The following CCNT2 variants were observed in gnomAD, a reference collection of about 807,000 sequenced individuals.
The protein encoded by CCNT2 is cyclin T2.
Under a neutral mutation model 70.0 loss-of-function variants are expected in CCNT2, and 18 were observed. The ratio of observed to expected loss-of-function variants is 0.26; its 90% confidence interval spans 0.18 to 0.38. The LOEUF is 0.38. Among genes scored for constraint, CCNT2 ranks in the 10% least tolerant of loss-of-function variants. The pLI is 1.00. For synonymous variants in CCNT2, 334 were observed against 313.3 expected, an observed-to-expected ratio of 1.07 and a Z score of -0.70; for missense variants, 734 against 890.2, an observed-to-expected ratio of 0.82 and a Z score of 2.23.
intron 2 of CCNT2, among the ~76,000 whole-genome samples, chr2:134,920,967 A>G (rs1679854375): frequency 6.6e-6 from 1 of 152,224 alleles, no homozygotes. Flanking sequence ...ATTTTAATAT[A>G]CATTTTGATC....
At chr2:134,919,396 AGT>A (rs1216861596) in intron 1 of CCNT2, among the ~76,000 whole-genome samples, 4 of 152,142 alleles carry the variant, frequency 2.6e-5, no homozygotes, top group African/African-American at 9.7e-5. Flanking sequence ...GAAAGGCCTA[AGT>A]GTTTGCCGCA....
chr2:134,936,708 C>G, intron 2 of CCNT2, 133 bp from the exon 3 acceptor site: 2 of 614,652 alleles, frequency 3.3e-6, no homozygotes, highest in South Asian at 2.0e-5. Flanking sequence ...GAGCCGAGAT[C>G]ACACCACTGC....
Position 134,946,159 on chromosome 2 carries a change from A to G in CCNT2, c.539+13A>G, listed in dbSNP as rs1459200050. 1 of 1,611,160 alleles carries G rather than the reference A, an allele frequency of 6.2e-7. No individual in the cohort carries two copies. The highest frequency in any genetic ancestry group is 1.1e-5 in the South Asian group (1 of 90,996). The stretch of plus-strand genomic sequence containing the variant: ...TGGCTACCAACAGGTTGTTATCCTG[A>G]CCCTCTTTGTTGCACTGTTGTAGCA... On this transcript the variant is annotated intron_variant, in intron 6 of 8. Transcript: ENST00000264157.
At position 134,928,274 on chromosome 2, in the gene CCNT2, C is replaced by CTTTTTTTTTTTTTTTTTTT. The variant is rs551173090; in HGVS notation, c.240+8384_240+8402dup. On this transcript the variant is annotated intron_variant, in intron 2 of 8. Transcript: ENST00000264157. ...CCATGCCCGGCCTCACATTGTATTTCTTTTTTTTTTTTTTTTTTTCTGAGA... is the reference window on the plus strand; with the variant it reads ...CCATGCCCGGCCTCACATTGTATTTCTTTTTTTTTTTTTTTTTTTTTTTTTTTTTTTTTTTTTTCTGAGA... 4.8e-4 allele frequency among the ~76,000 whole-genome samples: 46 copies of CTTTTTTTTTTTTTTTTTTT among 96,376 alleles called. 2 individuals are homozygous for CTTTTTTTTTTTTTTTTTTT. Among genetic ancestry groups the CTTTTTTTTTTTTTTTTTTT allele is most frequent in the South Asian group, 1.8e-3 (5 of 2,716 alleles). 63.2% of individuals were successfully genotyped at this position (96,376 alleles called of 152,430 possible). A position where few individuals can be genotyped will look rare whatever the true frequency, so the allele number is the denominator to read the frequency against.
intron 2 of CCNT2, among the ~76,000 whole-genome samples, chr2:134,927,517 T>C (rs1680383736): frequency 6.6e-6 from 1 of 152,104 alleles, no homozygotes; most frequent in Non-Finnish European, 1.5e-5. Context: ...ATTCTAAACT[T>C]AGGTGTATAG....
intron 7 of CCNT2, among the ~76,000 whole-genome samples, chr2:134,950,354 C>T (rs1014941318): frequency 1.3e-5 from 2 of 151,938 alleles, no homozygotes; most frequent in Non-Finnish European, 2.9e-5. Flanking sequence ...TTTTCTGTGT[C>T]AGTCACAAAA....
Position 134,954,853 on chromosome 2 carries a change from T to C in CCNT2, c.*205T>C, listed in dbSNP as rs1682833590. On this transcript the variant is annotated 3_prime_UTR_variant, in exon 9 of 9. Transcript: ENST00000264157. ...CCACATATGATAGTGTTATAAATAC[T>C]GTAAAAGCATGGAAGGTGCAAAACT... 2 of 513,812 alleles carry C rather than the reference T, an allele frequency of 3.9e-6. No individual in the cohort carries two copies. Among genetic ancestry groups the C allele is most frequent in the Non-Finnish European group, 3.5e-6 (1 of 289,640 alleles). 31.8% of individuals were successfully genotyped at this position (513,812 alleles called of 1,614,324 possible). A position where few individuals can be genotyped will look rare whatever the true frequency, so the allele number is the denominator to read the frequency against.
At chr2:134,945,559 A>G (rs999991246) in intron 5 of CCNT2, 1 of 985,366 alleles carries the variant, frequency 1.0e-6, no homozygotes. Flanking sequence ...CTGTACCCGT[A>G]TGCTGTTTCT....
chr2:134,943,279 T>C (rs1364994344), intron 5 of CCNT2: 1 of 352,508 alleles, frequency 2.8e-6, no homozygotes, highest in Non-Finnish European at 4.0e-6. Context: ...TACACGCATG[T>C]AGTCTCAACT....
rs530916012 is a variant in CCNT2, at chr2:134,919,103, G to A, written c.158+91G>A. 5.4e-5 allele frequency: 77 copies of A among 1,413,338 alleles called. No homozygotes were observed. The South Asian group carries it at 8.6e-4, about 16-fold the overall frequency. 87.5% of individuals were successfully genotyped at this position (1,413,338 alleles called of 1,614,324 possible). A position where few individuals can be genotyped will look rare whatever the true frequency, so the allele number is the denominator to read the frequency against. On this transcript the variant is annotated intron_variant, in intron 1 of 8. Transcript: ENST00000264157. ...CCGCGAACATGGCGCCGCCGGCCTC[G>A]GCCTTCGCTGGGCCTCGGCGCCGCG...
In CCNT2 at chr2:134,954,342, C is replaced by T; in HGVS notation, c.1887C>T (p.Asn629=). 1.2e-6 allele frequency: 2 copies of T among 1,614,174 alleles called. No homozygotes were observed. Among genetic ancestry groups the T allele is most frequent in the East Asian group, 2.2e-5 (1 of 44,880 alleles). The change falls in exon 9 of 9, where the codon AAC becomes AAT. Residue 629 remains asparagine (N), a synonymous_variant. Coordinates refer to ENST00000264157, the MANE Select transcript of CCNT2 (RefSeq NM_058241.3). ...KRLHVNDASH[N]HHSKMSKSSK... is the part of the protein sequence containing the mutation. ...TGCATGTCAATGATGCATCTCACAACCACCACTCCAAAATGAGCAAAAGTT... is the reference window on the plus strand; with the variant it reads ...TGCATGTCAATGATGCATCTCACAATCACCACTCCAAAATGAGCAAAAGTT...
chr2:134,923,145 G>T (rs1680037168), intron 2 of CCNT2, among the ~76,000 whole-genome samples: 1 of 152,150 alleles, frequency 6.6e-6, no homozygotes, highest in South Asian at 2.1e-4. Flanking sequence ...GCTGGGTGTG[G>T]TGGCACGTGC....
chr2:134,924,700 C>T (rs552232748), intron 2 of CCNT2, among the ~76,000 whole-genome samples: 5 of 152,284 alleles, frequency 3.3e-5, no homozygotes, highest in South Asian at 2.1e-4. Flanking sequence ...CCCCCCACCT[C>T]GACCTCCCAA....
chr2:134,929,324 G>A (rs531720804), intron 2 of CCNT2, among the ~76,000 whole-genome samples: 2 of 152,152 alleles, frequency 1.3e-5, no homozygotes, highest in South Asian at 4.1e-4. Context: ...TGGAGATCTG[G>A]CCAGGCATGG....
intron 2 of CCNT2, among the ~76,000 whole-genome samples, chr2:134,924,989 T>C (rs1680177982): frequency 6.6e-6 from 1 of 152,210 alleles, no homozygotes; most frequent in African/African-American, 2.4e-5. Flanking sequence ...TGGTGCAGTT[T>C]ACTGTGTTCC....
chr2:134,938,993 A>G lies in CCNT2; in HGVS notation c.370-9A>G, dbSNP rs376394830. On this transcript the variant is annotated splice_polypyrimidine_tract_variant and intron_variant, in intron 3 of 8. Coordinates refer to ENST00000264157, the MANE Select transcript of CCNT2 (RefSeq NM_058241.3). The stretch of plus-strand genomic sequence containing the variant: ...TTTTAATCAATTTGATAATATTTTT[A>G]TCTGACAGGCTTACCTTCAACAGAC... 261 of 1,582,164 alleles carry G rather than the reference A, an allele frequency of 1.6e-4. No individual in the cohort carries two copies. The highest frequency in any genetic ancestry group is 2.2e-4 in the Non-Finnish European group (250 of 1,152,270).
At chr2:134,919,988 T>C in intron 2 of CCNT2, 97 bp downstream of exon 2, 1 of 782,420 alleles carries the variant, frequency 1.3e-6, no homozygotes, top group Non-Finnish European at 2.2e-6. Flanking sequence ...TTTAGTGTTC[T>C]GAATTAACGG....
chr2:134,925,268 C>T (rs1680208638), intron 2 of CCNT2, among the ~76,000 whole-genome samples: 3 of 152,106 alleles, frequency 2.0e-5, no homozygotes, highest in African/African-American at 4.8e-5. Flanking sequence ...TATGGACACC[C>T]AGTGGCACGT....
chr2:134,923,645 A>G (rs996746996), intron 2 of CCNT2, among the ~76,000 whole-genome samples: 3 of 152,262 alleles, frequency 2.0e-5, no homozygotes, highest in African/African-American at 7.2e-5. Context: ...CTTTTAAACT[A>G]TAAATTACCT....
Sources: gnomAD v4.1 joint callset for allele counts (sites outside exome capture counted in the v4.1 genomes callset) on GRCh38, gnomAD v4.1.1 for gene constraint, MANE v1.5 for transcripts, NCBI Gene and HGNC (gene_info 2026-07-23, HGNC 2026-07-21) for gene names.